Variants in CSMD1 observed in about 807,000 individuals in gnomAD.
The protein encoded by CSMD1 is CUB and sushi domain-containing protein 1.
Under a neutral mutation model 417.5 loss-of-function variants are expected in CSMD1, and 213 were observed. That is an observed-to-expected ratio of 0.51 (90% confidence interval 0.46 to 0.57). The LOEUF is 0.57. Among genes scored for constraint, CSMD1 ranks in the 20% least tolerant of loss-of-function variants. The probability of loss-of-function intolerance (pLI) is 0.00; values close to 1 mark genes in which losing one functional copy is unlikely to be tolerated. For synonymous variants in CSMD1, 2,862 were observed against 1,736.8 expected (o/e 1.65, Z -16.11); for missense variants, 6,923 against 4,529.7 (o/e 1.53, Z -15.17).
intron 1 of CSMD1, among the ~76,000 whole-genome samples, chr8:4,640,493 T>C (rs1050239281): frequency 4.7e-4 from 71 of 152,316 alleles, no homozygotes; most frequent in African/African-American, 1.6e-3. Flanking sequence ...GATTTAAAGC[T>C]AATATGGTAG....
chr8:3,810,287 C>A (rs1800992942), intron 5 of CSMD1, among the ~76,000 whole-genome samples: 5 of 152,208 alleles, frequency 3.3e-5, no homozygotes, highest in Middle Eastern at 3.4e-3. Context: ...TGATGTTTCA[C>A]AGGACGAAGA....
chr8:3,494,063 A>T (rs1341047609), intron 10 of CSMD1, among the ~76,000 whole-genome samples: 1 of 152,244 alleles, frequency 6.6e-6, no homozygotes, highest in Non-Finnish European at 1.5e-5. Flanking sequence ...TAGCAAAAGA[A>T]ATGTTGGTTA....
At chr8:3,449,073 T>A (rs1420065325) in intron 12 of CSMD1, among the ~76,000 whole-genome samples, 1 of 152,194 alleles carries the variant, frequency 6.6e-6, no homozygotes, top group African/African-American at 2.4e-5. Context: ...TGAAAACTTG[T>A]TGCCTGTCTT....
chr8:4,761,382 GTGTA>G (rs879573374), intron 1 of CSMD1, among the ~76,000 whole-genome samples: 54 of 151,098 alleles, frequency 3.6e-4, no homozygotes, highest in Admixed American at 1.1e-3. Context: ...GTGTGTGTGT[GTGTA>G]TATATATATA....
At chr8:3,142,900 G>C (rs1365018159) in intron 40 of CSMD1, among the ~76,000 whole-genome samples, 2 of 152,192 alleles carry the variant, frequency 1.3e-5, no homozygotes, top group African/African-American at 4.8e-5. Context: ...CTCACGTCCA[G>C]AAGTCAATTT....
Position 3,616,789 on chromosome 8 carries a change from C to T in CSMD1, c.1018G>A (p.Gly340Arg). 1 of 1,609,384 alleles carries T rather than the reference C, an allele frequency of 6.2e-7. No homozygotes were observed. ...ATGTCAGAGACCAATGCAACACCTC[C>T]TTGGCTCACTGTAATAGACAGAAAC... is the stretch of plus-strand genomic sequence containing the variant. The part of the protein sequence containing the change: ...GSHKNSVLSQ[G>R]GVALVSDMCP... Residue 340 changes from glycine to arginine, a missense_variant, in exon 8 of 70, where the codon GGA becomes AGA. Gly to Arg is a moderately radical substitution (Grantham distance 125). Coordinates refer to ENST00000635120, the MANE Select transcript of CSMD1 (RefSeq NM_033225.6).
At chr8:4,089,603 G>A (rs765930823) in intron 3 of CSMD1, among the ~76,000 whole-genome samples, 7 of 152,082 alleles carry the variant, frequency 4.6e-5, no homozygotes, top group Non-Finnish European at 8.8e-5. Context: ...AGGTTAAATG[G>A]GGATAATAAA....
intron 3 of CSMD1, among the ~76,000 whole-genome samples, chr8:4,281,643 C>T (rs1796791004): frequency 6.6e-6 from 1 of 151,952 alleles, no homozygotes; most frequent in Non-Finnish European, 1.5e-5. Flanking sequence ...GTTGGGCTTT[C>T]TTACTTGACA....
At chr8:4,510,888 T>C (rs1450684512) in intron 2 of CSMD1, among the ~76,000 whole-genome samples, 1 of 136,944 alleles carries the variant, frequency 7.3e-6, no homozygotes, top group Admixed American at 7.5e-5. Flanking sequence ...CCTCCCTCCC[T>C]TCCTTCCTCT....
chr8:3,548,429 T>C (rs564764086), intron 10 of CSMD1, among the ~76,000 whole-genome samples: 63 of 152,168 alleles, frequency 4.1e-4, no homozygotes, highest in Non-Finnish European at 7.2e-4. Flanking sequence ...GTTTGTAGTC[T>C]TGTATCCCTC....
intron 2 of CSMD1, among the ~76,000 whole-genome samples, chr8:4,550,008 G>T (rs963823618): frequency 6.6e-6 from 1 of 151,594 alleles, no homozygotes; most frequent in African/African-American, 2.4e-5. Context: ...GTTAATCAAG[G>T]ACAAGAGTGG....
intron 2 of CSMD1, among the ~76,000 whole-genome samples, chr8:4,592,613 C>T (rs546752457): frequency 9.9e-5 from 15 of 152,234 alleles, no homozygotes; most frequent in Non-Finnish European, 1.2e-4. Flanking sequence ...TCTCAAACTC[C>T]TGATCCCAAG....
chr8:4,758,091 T>C (rs532345025), intron 1 of CSMD1, among the ~76,000 whole-genome samples: 2 of 152,128 alleles, frequency 1.3e-5, no homozygotes, highest in Non-Finnish European at 2.9e-5. Flanking sequence ...GGTGAGAAAT[T>C]TCCACTGAAA....
At chr8:3,456,638 C>A (rs574901450) in intron 12 of CSMD1, among the ~76,000 whole-genome samples, 4 of 152,100 alleles carry the variant, frequency 2.6e-5, no homozygotes, top group South Asian at 2.1e-4. Context: ...TCCTAGTGGA[C>A]GTGTTTCAGT....
At chr8:3,456,010 G>A (rs992444278) in intron 12 of CSMD1, among the ~76,000 whole-genome samples, 2 of 152,132 alleles carry the variant, frequency 1.3e-5, no homozygotes, top group Non-Finnish European at 2.9e-5. Context: ...CTGGGCAATG[G>A]TGGGTGCCCC....
chr8:3,946,291 C>G (rs957207120), intron 5 of CSMD1, among the ~76,000 whole-genome samples: 3 of 152,096 alleles, frequency 2.0e-5, no homozygotes, highest in African/African-American at 7.2e-5. Context: ...GTCTCATCTC[C>G]TCAGTGGAAG....
rs190615401 is a variant in CSMD1 at position 4,615,677 on chromosome 8, C to A, written c.302+21665G>T. On this transcript the variant is annotated intron_variant, in intron 2 of 69. Transcript: ENST00000635120. ...GAGTGTAAGGTGTTATTTCCTTATA[C>A]CATCTTGTGCACATAAACTGTTCTG... Among the ~76,000 whole-genome samples, 7 of 152,090 alleles carry A rather than the reference C, an allele frequency of 4.6e-5. No individual in the cohort carries two copies. In the East Asian group the frequency reaches 1.4e-3, roughly 29 times the overall value.
chr8:3,586,853 G>A (rs938871707), intron 8 of CSMD1, among the ~76,000 whole-genome samples: 4 of 152,198 alleles, frequency 2.6e-5, no homozygotes, highest in Non-Finnish European at 5.9e-5. Context: ...AGGCTGGAGT[G>A]CAGTGGCACG....
At chr8:3,384,719 TA>T (rs1345550061) in intron 18 of CSMD1, among the ~76,000 whole-genome samples, 3 of 61,364 alleles carry the variant, frequency 4.9e-5, no homozygotes, top group African/African-American at 2.3e-4. Flanking sequence ...AATATATTTA[TA>T]ATATTTATAT....
Sources: allele counts gnomAD v4.1 joint callset (sites outside exome capture counted in the v4.1 genomes callset), GRCh38; gene constraint gnomAD v4.1.1; transcripts MANE v1.5; gene names NCBI Gene and HGNC (gene_info 2026-07-23, HGNC 2026-07-21).